SLC10A7: variants seen among roughly 807,000 people sequenced by gnomAD.
SLC10A7 encodes solute carrier family 10 member 7.
Under a neutral mutation model 43.2 loss-of-function variants are expected in SLC10A7, and 29 were observed. That is an observed-to-expected ratio of 0.67 (90% CI 0.50 to 0.92). The LOEUF (loss-of-function observed/expected upper bound fraction) is 0.92, where lower values mean the gene tolerates loss of function less well. Ranked by LOEUF, SLC10A7 falls within the 40% of genes least tolerant of loss-of-function variation. The probability of loss-of-function intolerance (pLI) is 0.00; values close to 1 mark genes in which losing one functional copy is unlikely to be tolerated. For synonymous variants in SLC10A7, 152 were observed against 144.8 expected, an observed-to-expected ratio of 1.05 and a Z score of -0.35; for missense variants, 295 against 403.2, an observed-to-expected ratio of 0.73 and a Z score of 2.30.
intron 4 of SLC10A7, among the ~76,000 whole-genome samples, chr4:146,449,637 T>C (rs1394797478): frequency 6.6e-6 from 1 of 151,682 alleles, no homozygotes; most frequent in East Asian, 1.9e-4. Context: ...GTAGAAAAGG[T>C]GAGAAGCTTT....
At chr4:146,308,868 C>A (rs1429066609) in intron 6 of SLC10A7, among the ~76,000 whole-genome samples, 2 of 152,156 alleles carry the variant, frequency 1.3e-5, no homozygotes, top group Non-Finnish European at 2.9e-5. Flanking sequence ...AGAAATCATT[C>A]ATGAAAATTC....
At chr4:146,293,723 A>G (rs1426912858) in intron 8 of SLC10A7, among the ~76,000 whole-genome samples, 2 of 152,190 alleles carry the variant, frequency 1.3e-5, no homozygotes, top group African/African-American at 2.4e-5. Flanking sequence ...GGGGCAGCAG[A>G]CGCAAAAACA....
chr4:146,335,568 G>T (rs1358350264), intron 5 of SLC10A7, among the ~76,000 whole-genome samples: 2 of 152,198 alleles, frequency 1.3e-5, no homozygotes, highest in East Asian at 3.9e-4. Context: ...ATGAGACACA[G>T]AGAGAACTGT....
At chr4:146,507,504 T>A (rs1737032452) in intron 3 of SLC10A7, among the ~76,000 whole-genome samples, 1 of 152,156 alleles carries the variant, frequency 6.6e-6, no homozygotes, top group African/African-American at 2.4e-5. Flanking sequence ...GAGGTTGCAG[T>A]GAGCTGAGAT....
intron 7 of SLC10A7, among the ~76,000 whole-genome samples, chr4:146,301,141 T>C (rs1178171891): frequency 6.6e-6 from 1 of 152,186 alleles, no homozygotes; most frequent in Non-Finnish European, 1.5e-5. Context: ...ATCAATAAAT[T>C]ATATTATTTC....
chr4:146,309,783 C>G (rs1731834484), intron 6 of SLC10A7, among the ~76,000 whole-genome samples: 1 of 152,154 alleles, frequency 6.6e-6, no homozygotes, highest in Non-Finnish European at 1.5e-5. Context: ...CGTGCACTTT[C>G]ATGTGACAGA....
intron 9 of SLC10A7, among the ~76,000 whole-genome samples, chr4:146,289,209 G>T (rs1730237700): frequency 6.6e-6 from 1 of 152,138 alleles, no homozygotes. Context: ...CCTCTGAAAT[G>T]GTAAGAAAAC....
Position 146,388,602 on chromosome 4 carries a change from C to CA in SLC10A7, c.435+54180dup, listed in dbSNP as rs1476044336. On this transcript the variant is annotated intron_variant, in intron 5 of 11. Coordinates refer to ENST00000335472, the MANE Select transcript of SLC10A7 (RefSeq NM_001029998.6). ...TGAAACCCCATCTCTAGTAAAAATA[C>CA]AAAAAAATTAGCTGGGCGTGGTGGT... 3.3e-5 allele frequency among the ~76,000 whole-genome samples: 5 copies of CA among 151,412 alleles called. No individual in the cohort carries two copies. The South Asian group carries it at 6.3e-4, about 19-fold the overall frequency.
rs1560805055 is a variant in SLC10A7 at position 146,330,693 on chromosome 4, CTG to C, written c.436-4699_436-4698del. ...ATTTATGCAGTACTTATGCTGCATACTGTATTAAGGACTTTGTGTTATTTTAG... is the reference window on the plus strand; with the variant it reads ...ATTTATGCAGTACTTATGCTGCATACTATTAAGGACTTTGTGTTATTTTAG... On this transcript the variant is annotated intron_variant, in intron 5 of 11. Transcript: ENST00000335472. Among the ~76,000 whole-genome samples, 5 of 152,180 alleles carry C rather than the reference CTG, an allele frequency of 3.3e-5. No individual in the cohort carries two copies. The South Asian group carries it at 1.0e-3, about 32-fold the overall frequency.
At chr4:146,392,508 T>TAC (rs898451625) in intron 5 of SLC10A7, among the ~76,000 whole-genome samples, 1 of 152,048 alleles carries the variant, frequency 6.6e-6, no homozygotes, top group African/African-American at 2.4e-5. Context: ...CAAAGATGAA[T>TAC]ACACACACAC....
intron 5 of SLC10A7, among the ~76,000 whole-genome samples, chr4:146,377,757 C>A (rs1737306758): frequency 6.6e-6 from 1 of 152,186 alleles, no homozygotes; most frequent in African/African-American, 2.4e-5. Flanking sequence ...CAGATGTAAA[C>A]TCCACAAGGG....
intron 6 of SLC10A7, among the ~76,000 whole-genome samples, chr4:146,307,110 T>A (rs1731631711): frequency 6.6e-6 from 1 of 152,156 alleles, no homozygotes; most frequent in Non-Finnish European, 1.5e-5. Flanking sequence ...TTTCACTGAT[T>A]TCTGCATGAA....
At chr4:146,387,775 T>C (rs1738117872) in intron 5 of SLC10A7, among the ~76,000 whole-genome samples, 1 of 152,210 alleles carries the variant, frequency 6.6e-6, no homozygotes, top group Non-Finnish European at 1.5e-5. Flanking sequence ...AACATTTCTA[T>C]ATATCAATGG....
At chr4:146,372,931 C>A (rs144533605) in intron 5 of SLC10A7, among the ~76,000 whole-genome samples, 208 of 152,214 alleles carry the variant, frequency 1.4e-3, no homozygotes, top group Non-Finnish European at 2.5e-3. Flanking sequence ...ACTACTAGGA[C>A]AATTTAAATT....
intron 3 of SLC10A7, 130 bp downstream of exon 3, chr4:146,509,783 C>G: frequency 3.9e-6 from 3 of 764,148 alleles, no homozygotes; most frequent in Non-Finnish European, 5.8e-6. Flanking sequence ...TAAAGGAAAA[C>G]AAAGATGTGT....
chr4:146,520,475 T>C (rs1198409935), intron 1 of SLC10A7, among the ~76,000 whole-genome samples: 1 of 152,210 alleles, frequency 6.6e-6, no homozygotes, highest in East Asian at 1.9e-4. Flanking sequence ...CAATCCTTCA[T>C]CTCCACAATT....
chr4:146,316,058 T>C (rs1560790936), intron 6 of SLC10A7, among the ~76,000 whole-genome samples: 1 of 152,146 alleles, frequency 6.6e-6, no homozygotes, highest in Non-Finnish European at 1.5e-5. Flanking sequence ...CACTTGCCAC[T>C]TGTACCACTG....
chr4:146,273,514 G>T (rs1368776298), intron 10 of SLC10A7, among the ~76,000 whole-genome samples: 2 of 152,202 alleles, frequency 1.3e-5, no homozygotes, highest in Non-Finnish European at 2.9e-5. Flanking sequence ...TATCTCGAAG[G>T]GTGGTTAGAG....
intron 5 of SLC10A7, among the ~76,000 whole-genome samples, chr4:146,349,161 C>A (rs1210115188): frequency 6.6e-6 from 1 of 152,166 alleles, no homozygotes; most frequent in East Asian, 1.9e-4. Flanking sequence ...CAATTAGACC[C>A]ACAACCTACC....
Sources: allele counts gnomAD v4.1 joint callset (sites outside exome capture counted in the v4.1 genomes callset), GRCh38; gene constraint gnomAD v4.1.1; transcripts MANE v1.5; gene names NCBI Gene and HGNC (gene_info 2026-07-23, HGNC 2026-07-21).